The following JMJD1C variants were observed in gnomAD, a reference collection of about 807,000 sequenced individuals.
JMJD1C encodes jumonji domain containing 1C, also known as jumonji domain-containing protein 1C.
JMJD1C carries 31 observed loss-of-function variants against 245.3 expected under a neutral mutation model. The ratio of observed to expected loss-of-function variants is 0.13; its 90% CI spans 0.09 to 0.17. The LOEUF (loss-of-function observed/expected upper bound fraction) is 0.17, where lower values mean the gene tolerates loss of function less well. JMJD1C is among the 10% of genes least tolerant of loss of function. The pLI, the probability that JMJD1C is intolerant of heterozygous loss-of-function variation, is 1.00. For synonymous variants in JMJD1C, 1,057 were observed against 1,017.4 expected (o/e 1.04, Z -0.74); for missense variants, 2,691 against 3,000.2 (o/e 0.90, Z 2.41).
At chr10:63,188,256 C>A (rs1033145798) in intron 18 of JMJD1C, among the ~76,000 whole-genome samples, 5 of 152,152 alleles carry the variant, frequency 3.3e-5, no homozygotes, top group African/African-American at 1.2e-4. Context: ...AAATTTCAGT[C>A]CAGTAATGTC....
intron 22 of JMJD1C, among the ~76,000 whole-genome samples, chr10:63,180,611 T>C (rs1843352428): frequency 6.6e-6 from 1 of 152,200 alleles, no homozygotes; most frequent in African/African-American, 2.4e-5. Flanking sequence ...TTTTGTTTGT[T>C]TGTTTGTTTG....
chr10:63,225,881 T>C (rs1849212181), intron 3 of JMJD1C, among the ~76,000 whole-genome samples: 1 of 152,046 alleles, frequency 6.6e-6, no homozygotes, highest in Admixed American at 6.6e-5. Context: ...TGTGAGCTGA[T>C]ATACACAGTA....
At chr10:63,348,054 A>G (rs1944006714) in intron 2 of JMJD1C, among the ~76,000 whole-genome samples, 1 of 152,086 alleles carries the variant, frequency 6.6e-6, no homozygotes, top group Non-Finnish European at 1.5e-5. Context: ...TCCACTTACT[A>G]AAAATACAAA....
intron 1 of JMJD1C, among the ~76,000 whole-genome samples, chr10:63,424,736 T>C (rs1295550368): frequency 4.6e-5 from 7 of 152,122 alleles, no homozygotes; most frequent in Non-Finnish European, 2.9e-5. Flanking sequence ...ATAAAAGGTA[T>C]TACAATTTCT....
At chr10:63,509,061 G>C (rs1954800605) in intron 1 of JMJD1C, among the ~76,000 whole-genome samples, 1 of 152,172 alleles carries the variant, frequency 6.6e-6, no homozygotes, top group Non-Finnish European at 1.5e-5. Flanking sequence ...ATTAGCTGTA[G>C]GGTTTTTTAG....
At chr10:63,287,161 A>G (rs560642982) in intron 2 of JMJD1C, among the ~76,000 whole-genome samples, 10 of 152,356 alleles carry the variant, frequency 6.6e-5, no homozygotes, top group African/African-American at 2.2e-4. Flanking sequence ...ACATATTAGT[A>G]TAATATGTGG....
chr10:63,341,907 G>A (rs566748098), intron 2 of JMJD1C, among the ~76,000 whole-genome samples: 5 of 152,332 alleles, frequency 3.3e-5, no homozygotes, highest in East Asian at 1.9e-4. Flanking sequence ...TGTTGCCAAC[G>A]CTTTGGACAC....
At chr10:63,172,790 C>CA (rs1205301301) in intron 24 of JMJD1C, among the ~76,000 whole-genome samples, 1 of 149,344 alleles carries the variant, frequency 6.7e-6, no homozygotes, top group Non-Finnish European at 1.5e-5. Flanking sequence ...CGATTCCAAG[C>CA]AAAAAAGATT....
chr10:63,333,469 G>C (rs1942375689), intron 2 of JMJD1C, among the ~76,000 whole-genome samples: 1 of 152,016 alleles, frequency 6.6e-6, no homozygotes, highest in Non-Finnish European at 1.5e-5. Context: ...GAAGGGCTTG[G>C]CCTACGAGGT....
At chr10:63,412,069 G>T (rs1425097635) in intron 1 of JMJD1C, among the ~76,000 whole-genome samples, 1 of 151,858 alleles carries the variant, frequency 6.6e-6, no homozygotes, top group Non-Finnish European at 1.5e-5. Context: ...CCAAAAATGT[G>T]TTTTTTAAAA....
chr10:63,346,349 G>C (rs541539865), intron 2 of JMJD1C, among the ~76,000 whole-genome samples: 1 of 152,348 alleles, frequency 6.6e-6, no homozygotes, highest in Admixed American at 6.5e-5. Flanking sequence ...GCCTATGAGT[G>C]ACACTAGTTT....
intron 2 of JMJD1C, among the ~76,000 whole-genome samples, chr10:63,314,407 A>G (rs1474539977): frequency 6.6e-6 from 1 of 152,222 alleles, no homozygotes; most frequent in Non-Finnish European, 1.5e-5. Context: ...TAAAAATGCA[A>G]AAGTTAGCCA....
chr10:63,357,866 C>CACACACACACAG lies in JMJD1C; in HGVS notation c.333+22451_333+22452insCTGTGTGTGTGT, dbSNP rs1491307054. The stretch of plus-strand genomic sequence containing the variant: ...ACACACACACACACACACACACACA[C>CACACACACACAG]AGAGACAAACTCCTTACATAAAAAA... On this transcript the variant is annotated intron_variant, in intron 2 of 25. Coordinates refer to ENST00000399262, the MANE Select transcript of JMJD1C (RefSeq NM_032776.3). Among the ~76,000 whole-genome samples the CACACACACACAG allele has an allele frequency of 5.2e-4, 72 of 137,870 alleles. 1 individual carries two copies. Among genetic ancestry groups the CACACACACACAG allele is most frequent in the African/African-American group, 1.8e-3 (67 of 37,194 alleles). The allele number at this position is 137,870 out of a possible 152,430, so 90.4% of individuals were successfully genotyped here.
intron 1 of JMJD1C, among the ~76,000 whole-genome samples, chr10:63,463,492 T>G (rs1186337732): frequency 1.3e-5 from 2 of 152,164 alleles, no homozygotes; most frequent in Non-Finnish European, 2.9e-5. Flanking sequence ...TAAAATCTAC[T>G]CTGCAGTAAT....
intron 2 of JMJD1C, among the ~76,000 whole-genome samples, chr10:63,367,892 AGT>A (rs1467693223): frequency 6.6e-6 from 1 of 152,234 alleles, no homozygotes; most frequent in African/African-American, 2.4e-5. Flanking sequence ...TATGTACAGT[AGT>A]GTGTCTCCTT....
intron 2 of JMJD1C, among the ~76,000 whole-genome samples, chr10:63,371,138 T>C (rs1027774818): frequency 7.0e-6 from 1 of 142,220 alleles, no homozygotes; most frequent in Non-Finnish European, 1.5e-5. Flanking sequence ...GCCACTACAA[T>C]AGGCTAATTT....
At chr10:63,373,712 T>C (rs1011955186) in intron 2 of JMJD1C, among the ~76,000 whole-genome samples, 47 of 152,354 alleles carry the variant, frequency 3.1e-4, no homozygotes, top group Middle Eastern at 3.4e-3. Flanking sequence ...TTTCATTCTA[T>C]TGCCATCTCA....
At chr10:63,255,725 C>A (rs1853813677) in intron 3 of JMJD1C, among the ~76,000 whole-genome samples, 1 of 152,100 alleles carries the variant, frequency 6.6e-6, no homozygotes, top group Admixed American at 6.5e-5. Flanking sequence ...ATCCTGAAAG[C>A]ATTACACAAA....
At chr10:63,437,927 C>G (rs1405643577) in intron 1 of JMJD1C, among the ~76,000 whole-genome samples, 1 of 152,130 alleles carries the variant, frequency 6.6e-6, no homozygotes, top group Non-Finnish European at 1.5e-5. Flanking sequence ...CCTTCTTTCT[C>G]ATATATCTAA....
Sources: allele counts gnomAD v4.1 joint callset (sites outside exome capture counted in the v4.1 genomes callset), GRCh38; gene constraint gnomAD v4.1.1; transcripts MANE v1.5; gene names NCBI Gene and HGNC (gene_info 2026-07-23, HGNC 2026-07-21).